The following WWP1 variants were observed in gnomAD, a reference collection of about 807,000 sequenced individuals.
WWP1 encodes the protein WW domain containing E3 ubiquitin protein ligase 1.
WWP1 carries 49 observed loss-of-function variants against 130.6 expected under a neutral mutation model. The observed-to-expected ratio is 0.38, with a 90% CI of 0.30 to 0.48. The LOEUF (loss-of-function observed/expected upper bound fraction) is 0.48. Ranked by LOEUF, WWP1 falls within the 20% of genes least tolerant of loss-of-function variation. The pLI, the probability that WWP1 is intolerant of heterozygous loss-of-function variation, is 0.99. For missense variants in WWP1, 809 were observed against 1,100.6 expected (o/e 0.74, Z 3.75); for synonymous variants, 332 against 367.8 (o/e 0.90, Z 1.11).
chr8:86,432,316 G>A (rs1810025088), intron 14 of WWP1, among the ~76,000 whole-genome samples: 2 of 152,114 alleles, frequency 1.3e-5, no homozygotes, highest in Non-Finnish European at 1.5e-5. Context: ...CTTTTGCAAA[G>A]TTGTACCACC....
intron 2 of WWP1, among the ~76,000 whole-genome samples, chr8:86,373,687 A>G (rs1413596867): frequency 1.3e-5 from 2 of 152,134 alleles, no homozygotes; most frequent in African/African-American, 4.8e-5. Context: ...ACATACGTAT[A>G]TGCTTCTGCC....
At chr8:86,346,793 A>G (rs924196704) in intron 1 of WWP1, among the ~76,000 whole-genome samples, 1 of 152,216 alleles carries the variant, frequency 6.6e-6, no homozygotes, top group Admixed American at 6.5e-5. Flanking sequence ...GTGGTATCCA[A>G]GGAACTAGTT....
chr8:86,453,027 A>G (rs1054313999), intron 21 of WWP1, among the ~76,000 whole-genome samples: 8 of 152,198 alleles, frequency 5.3e-5, no homozygotes, highest in African/African-American at 1.9e-4. Context: ...TCTTAACTGT[A>G]TTTAGACTTG....
intron 9 of WWP1, among the ~76,000 whole-genome samples, chr8:86,414,845 G>A (rs1157431024): frequency 4.0e-5 from 6 of 151,350 alleles, no homozygotes; most frequent in African/African-American, 1.5e-4. Flanking sequence ...TTAATATTGA[G>A]TACTTTTCAG....
intron 2 of WWP1, among the ~76,000 whole-genome samples, chr8:86,373,520 A>G (rs1256945530): frequency 6.6e-6 from 1 of 151,992 alleles, no homozygotes; most frequent in Non-Finnish European, 1.5e-5. Context: ...TCTTGTCTGG[A>G]TAGAGATTTT....
chr8:86,456,095 A>G (rs1811429667), intron 21 of WWP1, among the ~76,000 whole-genome samples: 1 of 152,000 alleles, frequency 6.6e-6, no homozygotes, highest in Non-Finnish European at 1.5e-5. Context: ...CTCAGTCCAT[A>G]TTTAAAATTA....
chr8:86,351,720 T>G (rs1280557623), intron 1 of WWP1, among the ~76,000 whole-genome samples: 2 of 152,164 alleles, frequency 1.3e-5, no homozygotes, highest in Non-Finnish European at 2.9e-5. Context: ...TAGTGATGGT[T>G]TTGCTGTGCA....
intron 5 of WWP1, among the ~76,000 whole-genome samples, chr8:86,395,371 A>G (rs562390111): frequency 1.0e-3 from 153 of 151,106 alleles, no homozygotes; most frequent in African/African-American, 3.7e-3. Context: ...ATAAAACTTT[A>G]TTTATGAAAA....
chr8:86,424,196 C>T (rs1206883528), intron 9 of WWP1, among the ~76,000 whole-genome samples: 11 of 151,764 alleles, frequency 7.2e-5, no homozygotes, highest in Non-Finnish European at 1.3e-4. Flanking sequence ...GCGCTCCTCA[C>T]ATCCCAGACG....
intron 2 of WWP1, among the ~76,000 whole-genome samples, chr8:86,373,133 T>C (rs1429769434): frequency 1.3e-5 from 2 of 151,690 alleles, no homozygotes; most frequent in Non-Finnish European, 2.9e-5. Context: ...TTTAGAAGTG[T>C]TTTTAAATTC....
At chr8:86,459,184 C>T (rs773195155) in intron 22 of WWP1, among the ~76,000 whole-genome samples, 16 of 151,672 alleles carry the variant, frequency 1.1e-4, no homozygotes, top group Non-Finnish European at 1.6e-4. Context: ...TACGGGTGTG[C>T]GCCACCATGC....
chr8:86,381,685 A>C, intron 5 of WWP1, 56 bp downstream of exon 5: 5 of 1,456,340 alleles, frequency 3.4e-6, no homozygotes, highest in Non-Finnish European at 4.5e-6. Context: ...GACACTTTGA[A>C]CATATCCTGA....
intron 7 of WWP1, among the ~76,000 whole-genome samples, chr8:86,400,257 G>A (rs1286838441): frequency 6.6e-5 from 10 of 151,884 alleles, no homozygotes; most frequent in African/African-American, 1.9e-4. Context: ...GCTTGAACCC[G>A]GGAGGCGGAG....
In WWP1 at chr8:86,461,136, T is replaced by C. The variant is rs558870319; in HGVS notation, c.2500-88T>C. The stretch of plus-strand genomic sequence containing the variant: ...TAGCACATCTTTTGAACCAATTCAG[T>C]GTTATTTAATTTCTTCAAGTGTCTA... On this transcript the variant is annotated intron_variant, in intron 22 of 24. Coordinates refer to ENST00000517970, the MANE Select transcript of WWP1 (RefSeq NM_007013.4). 63 of 1,194,954 alleles carry C rather than the reference T, an allele frequency of 5.3e-5. No homozygotes were observed. In the Admixed American group the frequency reaches 9.4e-4, roughly 18 times the overall value. The allele number at this position is 1,194,954 out of a possible 1,614,324, so 74.0% of individuals were successfully genotyped here.
intron 22 of WWP1, 87 bp downstream of exon 22, chr8:86,458,112 T>G (rs999482578): frequency 4.2e-5 from 45 of 1,068,336 alleles, no homozygotes; most frequent in Non-Finnish European, 5.9e-5. Context: ...TTATTTTTAA[T>G]TGAGACTGCT....
At chr8:86,391,111 A>G (rs927577416) in intron 5 of WWP1, among the ~76,000 whole-genome samples, 5 of 152,168 alleles carry the variant, frequency 3.3e-5, no homozygotes, top group African/African-American at 1.2e-4. Flanking sequence ...CTCTCCTAAC[A>G]TAAATTATTT....
chr8:86,427,427 G>GT (rs1252418487), intron 10 of WWP1, among the ~76,000 whole-genome samples: 2 of 152,038 alleles, frequency 1.3e-5, no homozygotes, highest in Non-Finnish European at 2.9e-5. Flanking sequence ...GCAAACTCTT[G>GT]TAGTGCAGGA....
intron 1 of WWP1, among the ~76,000 whole-genome samples, chr8:86,343,557 T>TA (rs1477727847): frequency 6.6e-6 from 1 of 151,982 alleles, no homozygotes; most frequent in Non-Finnish European, 1.5e-5. Flanking sequence ...GTTCTTTTTT[T>TA]AAAAAAATTT....
chr8:86,353,052 G>A (rs906357485), intron 1 of WWP1, among the ~76,000 whole-genome samples: 10 of 152,198 alleles, frequency 6.6e-5, no homozygotes, highest in Non-Finnish European at 1.0e-4. Context: ...TGACTGAAAT[G>A]TGTCAAATTT....
Sources: allele counts gnomAD v4.1 joint callset (sites outside exome capture counted in the v4.1 genomes callset), GRCh38; gene constraint gnomAD v4.1.1; transcripts MANE v1.5; gene names NCBI Gene and HGNC (gene_info 2026-07-23, HGNC 2026-07-21).